CSMD1: variants seen among roughly 807,000 people sequenced by gnomAD.
The protein encoded by CSMD1 is CUB and sushi domain-containing protein 1.
In CSMD1, 213 loss-of-function variants were observed where a neutral mutation model predicts 417.5. The ratio of observed to expected loss-of-function variants is 0.51; its 90% CI spans 0.46 to 0.57. The LOEUF is 0.57. Among genes scored for constraint, CSMD1 ranks in the 20% least tolerant of loss-of-function variants. The pLI is 0.00. For synonymous variants in CSMD1, 2,862 were observed against 1,736.8 expected (o/e 1.65, Z -16.11); for missense variants, 6,923 against 4,529.7 (o/e 1.53, Z -15.17).
At chr8:4,749,238 T>C (rs1811153137) in intron 1 of CSMD1, among the ~76,000 whole-genome samples, 1 of 152,264 alleles carries the variant, frequency 6.6e-6, no homozygotes, top group African/African-American at 2.4e-5. Flanking sequence ...GGGTTAAATG[T>C]TATCTTTAGA....
At chr8:3,223,178 T>C (rs1483741931) in intron 28 of CSMD1, among the ~76,000 whole-genome samples, 1 of 152,212 alleles carries the variant, frequency 6.6e-6, no homozygotes, top group Non-Finnish European at 1.5e-5. Context: ...ATGACTACAG[T>C]ATTAGACCTT....
intron 67 of CSMD1, 150 bp downstream of exon 67, chr8:2,950,081 C>T: frequency 1.7e-6 from 1 of 584,678 alleles, no homozygotes; most frequent in East Asian, 2.7e-5. Context: ...AATAAAATGG[C>T]CACTCTGTCA....
chr8:4,388,571 T>C lies in CSMD1; in HGVS notation c.415+31382A>G, dbSNP rs975380983. Among the ~76,000 whole-genome samples, 111 of 151,542 alleles carry C rather than the reference T, an allele frequency of 7.3e-4. 1 individual carries two copies. Among genetic ancestry groups the C allele is most frequent in the Middle Eastern group, 3.4e-3 (1 of 294 alleles). On this transcript the variant is annotated intron_variant, in intron 3 of 69. Coordinates refer to ENST00000635120, the MANE Select transcript of CSMD1 (RefSeq NM_033225.6). The stretch of plus-strand genomic sequence containing the variant: ...CTGAGGGGGAAGGGTGGGGGGGTGA[T>C]GGATAAAAGACTGCAAATAGGGTAC...
intron 2 of CSMD1, among the ~76,000 whole-genome samples, chr8:4,461,162 C>CCAAATA (rs1554486884): frequency 1.3e-5 from 2 of 151,190 alleles, no homozygotes; most frequent in Admixed American, 6.6e-5. Context: ...GATTGTCTTA[C>CCAAATA]CAGATAAAAA....
intron 3 of CSMD1, among the ~76,000 whole-genome samples, chr8:4,157,733 T>C (rs939977642): frequency 1.3e-5 from 2 of 152,210 alleles, no homozygotes; most frequent in Non-Finnish European, 2.9e-5. Flanking sequence ...GGCCGTCCTT[T>C]TCCTAGGAGT....
chr8:4,929,147 G>A (rs1444953833), intron 1 of CSMD1, among the ~76,000 whole-genome samples: 1 of 152,104 alleles, frequency 6.6e-6, no homozygotes, highest in Non-Finnish European at 1.5e-5. Flanking sequence ...GAGAAGATGT[G>A]GACACACAGA....
At chr8:3,677,659 A>G (rs530790802) in intron 7 of CSMD1, among the ~76,000 whole-genome samples, 7 of 152,288 alleles carry the variant, frequency 4.6e-5, no homozygotes, top group African/African-American at 7.2e-5. Context: ...ATGAAAAGAT[A>G]TCTATCCTTT....
chr8:4,029,406 G>C (rs536402803), intron 4 of CSMD1, among the ~76,000 whole-genome samples: 3 of 152,178 alleles, frequency 2.0e-5, no homozygotes, highest in African/African-American at 7.2e-5. Flanking sequence ...ATGGTGGAAG[G>C]CAAGGAGGAC....
At chr8:3,502,985 G>A (rs1254990400) in intron 10 of CSMD1, among the ~76,000 whole-genome samples, 1 of 152,098 alleles carries the variant, frequency 6.6e-6, no homozygotes, top group Middle Eastern at 3.2e-3. Flanking sequence ...GGTTGTGCAT[G>A]TGTGGGGGCA....
intron 23 of CSMD1, among the ~76,000 whole-genome samples, chr8:3,321,671 C>CTTAT (rs1806164357): frequency 6.6e-6 from 1 of 151,836 alleles, no homozygotes; most frequent in Non-Finnish European, 1.5e-5. Context: ...TTAACTGGTG[C>CTTAT]TTATTTTAAT....
intron 3 of CSMD1, among the ~76,000 whole-genome samples, chr8:4,340,166 T>C (rs909930785): frequency 2.0e-5 from 3 of 152,114 alleles, no homozygotes; most frequent in Non-Finnish European, 4.4e-5. Flanking sequence ...ATTTTCTTGA[T>C]ACCTTTTTTT....
chr8:3,513,338 A>ATAT (rs755623870), intron 10 of CSMD1, among the ~76,000 whole-genome samples: 3 of 141,572 alleles, frequency 2.1e-5, no homozygotes, highest in Non-Finnish European at 3.1e-5. Flanking sequence ...TTGCCCACAG[A>ATAT]TTTTTTTTTT....
rs995892165 is a variant in CSMD1 at position 4,978,797 on chromosome 8, G to T, written c.85+15535C>A. Among the ~76,000 whole-genome samples the T allele has an allele frequency of 7.9e-5, 12 of 152,248 alleles. No individual in the cohort carries two copies. In the South Asian group the frequency reaches 2.1e-3, roughly 26 times the overall value. On this transcript the variant is annotated intron_variant, in intron 1 of 69. Transcript: ENST00000635120. Reference sequence around the variant, plus strand: ...CACTAAAAATACAAAAATTAGCTGGGCATGGTGGCAGGTGCCTGTAATCCC... The same window carrying T: ...CACTAAAAATACAAAAATTAGCTGGTCATGGTGGCAGGTGCCTGTAATCCC...
intron 2 of CSMD1, among the ~76,000 whole-genome samples, chr8:4,456,661 C>A (rs1225839530): frequency 6.6e-6 from 1 of 152,076 alleles, no homozygotes; most frequent in Non-Finnish European, 1.5e-5. Flanking sequence ...GACCCTCCAA[C>A]CAATCATCTG....
At chr8:3,971,299 G>A (rs959058492) in intron 5 of CSMD1, among the ~76,000 whole-genome samples, 5 of 152,166 alleles carry the variant, frequency 3.3e-5, no homozygotes, top group African/African-American at 9.6e-5. Context: ...CTCCTCATGG[G>A]TTCTCCTGAG....
At chr8:4,044,672 C>A (rs1798056835) in intron 3 of CSMD1, among the ~76,000 whole-genome samples, 1 of 152,116 alleles carries the variant, frequency 6.6e-6, no homozygotes, top group Non-Finnish European at 1.5e-5. Context: ...GCGTGTACCA[C>A]CCTGGCCACC....
intron 5 of CSMD1, among the ~76,000 whole-genome samples, chr8:3,995,071 C>T (rs1464616): frequency 0.8 from 121,408 of 152,106 alleles, 48,496 homozygotes; most frequent in East Asian, 0.85. Flanking sequence ...CTTTTAAATA[C>T]ACCAATTTGA....
chr8:3,182,001 T>C (rs879638957), intron 36 of CSMD1, among the ~76,000 whole-genome samples: 5 of 152,218 alleles, frequency 3.3e-5, no homozygotes, highest in Non-Finnish European at 5.9e-5. Context: ...GTATGTTCAA[T>C]ACTCTAGTAA....
At position 4,031,561 on chromosome 8, in the gene CSMD1, G is replaced by C. The variant is rs1213373587; in HGVS notation, c.610+344C>G. 3.3e-5 allele frequency among the ~76,000 whole-genome samples: 5 copies of C among 152,140 alleles called. No homozygotes were observed. The East Asian group carries it at 9.6e-4, about 29-fold the overall frequency. On this transcript the variant is annotated intron_variant, in intron 4 of 69. Transcript: ENST00000635120. ...GGAACTACCGTTCAACATGAGGTTT[G>C]GGTGAGGACAGAGCTAAATCATATC...
Sources: allele counts gnomAD v4.1 joint callset (sites outside exome capture counted in the v4.1 genomes callset), GRCh38; gene constraint gnomAD v4.1.1; transcripts MANE v1.5; gene names NCBI Gene and HGNC (gene_info 2026-07-23, HGNC 2026-07-21).